Variants in IAH1 observed in about 807,000 individuals in gnomAD.
The protein encoded by IAH1 is isoamyl acetate hydrolyzing esterase 1 (putative), also known as isoamyl acetate-hydrolyzing esterase 1 homolog.
IAH1 carries 24 observed loss-of-function variants against 26.7 expected under a neutral mutation model. That is an observed-to-expected ratio of 0.90 (90% CI 0.65 to 1.26). The LOEUF is 1.26. IAH1 is among the 50% of genes most tolerant of loss of function. The pLI is 0.00. For missense variants in IAH1, 300 were observed against 299.9 expected (o/e 1.00, Z 0.00); for synonymous variants, 140 against 118.5 (o/e 1.18, Z -1.18).
At chr2:9,496,303 T>C (rs889104990) in intron 6 of IAH1, 2 of 151,908 alleles carry the variant, frequency 1.3e-5, no homozygotes, top group Non-Finnish European at 2.9e-5. Flanking sequence ...TAATTTTTTT[T>C]ATTTTTAGTA....
chr2:9,493,572 A>C (rs1468406476), downstream of IAH1, among the ~76,000 whole-genome samples: 1 of 152,244 alleles, frequency 6.6e-6, no homozygotes, highest in Non-Finnish European at 1.5e-5. Context: ...CCACGGGGAC[A>C]GACTATCTAT....
chr2:9,509,213 G>T, the IAH1 span, among the ~76,000 whole-genome samples: 1 of 152,110 alleles, frequency 6.6e-6, no homozygotes, highest in African/African-American at 2.4e-5. Flanking sequence ...TCTCCCCACC[G>T]ACCCTCTTTA....
At chr2:9,493,758 A>G (rs1662344551), downstream of IAH1, 7 of 1,613,754 alleles carry the variant, frequency 4.3e-6, no homozygotes, top group Non-Finnish European at 4.2e-6. Flanking sequence ...AAAAGTATTG[A>G]TGCTCAGCTG....
Position 9,478,346 on chromosome 2 carries a change from G to A in IAH1, c.259G>A (p.Gly87Arg), listed in dbSNP as rs1236337199. 6.2e-7 allele frequency: 1 copy of A among 1,610,212 alleles called. No individual in the cohort carries two copies. The highest frequency in any genetic ancestry group is 8.5e-7 in the Non-Finnish European group (1 of 1,177,998). Residue 87 changes from glycine (G) to arginine (R), a missense_variant, in exon 3 of 6, where the codon GGG (glycine) becomes AGG (arginine). Gly to Arg is a moderately radical substitution (Grantham distance 125). Coordinates refer to ENST00000497473, the MANE Select transcript of IAH1 (RefSeq NM_001039613.3). ...DIPVAVTIFF[G>R]ANDSALKDEN... ...CCCAGTAGCAGTTACAATTTTCTTT[G>A]GGGCCAATGACAGTGCACTAAAAGG...
intron 1 of IAH1, chr2:9,475,163 C>G: frequency 7.8e-7 from 1 of 1,287,892 alleles, no homozygotes. Context: ...AAAGGACCAT[C>G]CGTTCATCCA....
intron 6 of IAH1, among the ~76,000 whole-genome samples, chr2:9,495,924 T>A (rs988046240): frequency 1.2e-4 from 17 of 147,626 alleles, no homozygotes; most frequent in Non-Finnish European, 1.8e-4. Flanking sequence ...CTCAAACAAC[T>A]CCTGAGCTCA....
At chr2:9,512,030 G>C in the IAH1 span, among the ~76,000 whole-genome samples, 1 of 146,956 alleles carries the variant, frequency 6.8e-6, no homozygotes, top group South Asian at 2.2e-4. Context: ...TAAAATTCCT[G>C]AGTTCTTTTT....
intron 4 of IAH1, among the ~76,000 whole-genome samples, chr2:9,483,626 C>G (rs983180278): frequency 6.6e-6 from 1 of 152,116 alleles, no homozygotes; most frequent in South Asian, 2.1e-4. Context: ...CTCGCCAGCC[C>G]TCACTGTCCT....
chr2:9,475,905 C>CT (rs1682466102), intron 1 of IAH1, 82 bp from the exon 2 acceptor site: 1 of 1,201,632 alleles, frequency 8.3e-7, no homozygotes, highest in Non-Finnish European at 1.2e-6. Flanking sequence ...GCCGAGAAAA[C>CT]AGAAGTTGCC....
At chr2:9,503,051 A>C in the IAH1 span, among the ~76,000 whole-genome samples, 1 of 151,412 alleles carries the variant, frequency 6.6e-6, no homozygotes, top group African/African-American at 2.4e-5. Flanking sequence ...AAGGCAGGAG[A>C]ATAGCTTGAA....
At chr2:9,510,534 C>T in the IAH1 span, among the ~76,000 whole-genome samples, 3 of 152,028 alleles carry the variant, frequency 2.0e-5, no homozygotes, top group Non-Finnish European at 4.4e-5. Flanking sequence ...CATGGAGGCA[C>T]GCGCCTGTAA....
chr2:9,476,927 G>A (rs551193046), intron 2 of IAH1, among the ~76,000 whole-genome samples: 2 of 152,288 alleles, frequency 1.3e-5, no homozygotes, highest in Admixed American at 1.3e-4. Flanking sequence ...CTGTCACACA[G>A]GCTTGAGTGC....
downstream of IAH1, among the ~76,000 whole-genome samples, chr2:9,492,105 G>GA (rs1454466461): frequency 2.6e-5 from 4 of 152,216 alleles, no homozygotes; most frequent in Non-Finnish European, 4.4e-5. Flanking sequence ...GAAAGGAAAG[G>GA]AAGGAGGCAG....
chr2:9,474,484 C>T, upstream of IAH1: 1 of 788,006 alleles, frequency 1.3e-6, no homozygotes, highest in South Asian at 2.6e-5. This position sits in a 1 kb window ranked among gnomAD's most constrained non-coding sequence, Gnocchi z 4.3. Context: ...TGCCCACGAG[C>T]CCGGCTCCCG....
At chr2:9,488,084 G>C in intron 5 of IAH1, 63 bp from the exon 6 acceptor site, 1 of 1,123,454 alleles carries the variant, frequency 8.9e-7, no homozygotes, top group African/African-American at 1.6e-5. Context: ...GTGTTGGAAT[G>C]ACAGGGGTGA....
At chr2:9,482,029 T>G (rs1572843262) in intron 4 of IAH1, among the ~76,000 whole-genome samples, 1 of 110,690 alleles carries the variant, frequency 9.0e-6, no homozygotes, top group Non-Finnish European at 1.9e-5. Context: ...TTATGGAAGT[T>G]CTCTTTTTTT....
At chr2:9,505,119 A>C in the IAH1 span, 4 of 1,595,958 alleles carry the variant, frequency 2.5e-6, no homozygotes, top group Non-Finnish European at 3.4e-6. Flanking sequence ...TATTTTGGAC[A>C]TCTTGTTATA....
chr2:9,493,006 G>A (rs1662287080), downstream of IAH1: 1 of 1,592,078 alleles, frequency 6.3e-7, no homozygotes, highest in South Asian at 1.1e-5. Flanking sequence ...ATTCCAAACA[G>A]TTAATGTCTT....
downstream of IAH1, chr2:9,497,092 G>A (rs758070478): frequency 6.2e-7 from 1 of 1,610,316 alleles, no homozygotes; most frequent in Admixed American, 1.7e-5. Flanking sequence ...CCTGCTGCTG[G>A]ACTGGGAATA....
Sources: gnomAD v4.1 joint callset for allele counts (sites outside exome capture counted in the v4.1 genomes callset) on GRCh38, gnomAD v4.1.1 for gene constraint, Gnocchi (gnomAD v3.1) non-coding constraint, MANE v1.5 for transcripts, NCBI Gene and HGNC (gene_info 2026-07-23, HGNC 2026-07-21) for gene names.